FAM178B: variants seen among roughly 807,000 people sequenced by gnomAD.
The protein encoded by FAM178B is family with sequence similarity 178 member B, also known as protein FAM178B.
A neutral mutation model predicts 91.7 loss-of-function variants in FAM178B; 82 were observed. The ratio of observed to expected loss-of-function variants is 0.89; its 90% confidence interval spans 0.75 to 1.07. The LOEUF (loss-of-function observed/expected upper bound fraction) is 1.07. Ranked by LOEUF, FAM178B falls within the 50% of genes least tolerant of loss-of-function variation. The pLI is 0.00. For synonymous variants in FAM178B, 368 were observed against 359.4 expected (o/e 1.02, Z -0.27); for missense variants, 769 against 846.7 (o/e 0.91, Z 1.14).
In FAM178B at chr2:96,888,400, G is replaced by A. The variant is rs551288257; in HGVS notation, c.1776+5526C>T. On this transcript the variant is annotated intron_variant, in intron 14 of 16. Coordinates refer to ENST00000490605, the MANE Select transcript of FAM178B (RefSeq NM_001122646.3). ...CAGGTGGGAAGGCAGAGAGCATGGC[G>A]AGAATGGAGAAAGAGGCTCCACCTG... 1.1e-4 allele frequency among the ~76,000 whole-genome samples: 17 copies of A among 152,358 alleles called. No individual in the cohort carries two copies. In the South Asian group the frequency reaches 2.3e-3, roughly 20 times the overall value.
At chr2:96,960,885 G>A (rs1234389236) in intron 5 of FAM178B, among the ~76,000 whole-genome samples, 2 of 152,102 alleles carry the variant, frequency 1.3e-5, no homozygotes, top group Non-Finnish European at 2.9e-5. Context: ...GGCCAGTGTC[G>A]GGGACGGCAT....
chr2:96,974,374 T>TC (rs1188584470), intron 1 of FAM178B, among the ~76,000 whole-genome samples: 9 of 85,510 alleles, frequency 1.1e-4, no homozygotes, highest in African/African-American at 4.4e-4. Flanking sequence ...AGAGCAAGAC[T>TC]CCATCTCAAA....
intron 1 of FAM178B, among the ~76,000 whole-genome samples, chr2:96,976,883 C>A (rs2082295396): frequency 6.6e-6 from 1 of 151,188 alleles, no homozygotes. Flanking sequence ...TAAATAAACA[C>A]ATAAAACCTT....
At chr2:96,934,204 A>G (rs544151604) in intron 8 of FAM178B, among the ~76,000 whole-genome samples, 48 of 152,258 alleles carry the variant, frequency 3.2e-4, no homozygotes, top group Admixed American at 3.9e-4. Flanking sequence ...ATAAAGCCCA[A>G]TGATGCTGGG....
intron 8 of FAM178B, among the ~76,000 whole-genome samples, chr2:96,937,781 G>A (rs2081657136): frequency 6.6e-6 from 1 of 152,120 alleles, no homozygotes; most frequent in Non-Finnish European, 1.5e-5. Flanking sequence ...ATCCCCACAA[G>A]TTGGGAGGCC....
Position 96,972,013 on chromosome 2 carries a change from G to T in FAM178B, c.452C>A (p.Pro151His). ...QGLRRLAGEL[P>H]EELEQEHLDL... ...CAGGTGTTCCTGCTCCAACTCCTCG[G>T]GCAGCTCACCAGCCAGTCTCCTCAG... The change falls in exon 3 of 17, where the codon CCC (proline) becomes CAC (histidine). Residue 151 changes from proline (P) to histidine (H), a missense_variant. Physicochemically the swap from Pro to His is moderately conservative, Grantham distance 77. Coordinates refer to ENST00000490605, the MANE Select transcript of FAM178B (RefSeq NM_001122646.3). 1.3e-6 allele frequency: 2 copies of T among 1,554,502 alleles called. No homozygotes were observed. Among genetic ancestry groups the T allele is most frequent in the Non-Finnish European group, 1.7e-6 (2 of 1,149,446 alleles).
chr2:96,891,457 G>A (rs1301742121), intron 14 of FAM178B, among the ~76,000 whole-genome samples: 1 of 152,198 alleles, frequency 6.6e-6, no homozygotes, highest in South Asian at 2.1e-4. Context: ...AGCGAACAGC[G>A]AATGCCAGAA....
chr2:96,933,776 C>T (rs978919115), intron 8 of FAM178B, among the ~76,000 whole-genome samples: 16 of 152,154 alleles, frequency 1.1e-4, no homozygotes, highest in African/African-American at 2.7e-4. Context: ...CGAGATACCA[C>T]AGGAGGAGGG....
In FAM178B at chr2:96,971,947, A is replaced by G; in HGVS notation, c.518T>C (p.Leu173Pro). 6.5e-7 allele frequency: 1 copy of G among 1,545,594 alleles called. No individual in the cohort carries two copies. Among genetic ancestry groups the G allele is most frequent in the Non-Finnish European group, 8.7e-7 (1 of 1,144,904 alleles). Residue 173 changes from leucine to proline, a missense_variant, in exon 3 of 17, where the codon CTG becomes CCG. Leu to Pro is a moderately conservative substitution (Grantham distance 98, BLOSUM62 -3). Coordinates refer to ENST00000490605, the MANE Select transcript of FAM178B (RefSeq NM_001122646.3). ...GCTCAGGCCTGACGTGTTCCAGAAC[A>G]GCTTCTCTGGCAAGGCCAGGCCCCT... Reference protein sequence around the residue: ...PKRGLALPEKLFWNTSGLSQQ... With the variant: ...PKRGLALPEKPFWNTSGLSQQ...
intron 14 of FAM178B, among the ~76,000 whole-genome samples, chr2:96,888,234 A>T (rs1179886754): frequency 4.6e-5 from 7 of 152,228 alleles, no homozygotes; most frequent in Non-Finnish European, 8.8e-5. Context: ...CCAACCACAG[A>T]TTAGACAGGA....
chr2:96,876,415 A>T, intron 16 of FAM178B, 107 bp from the exon 17 acceptor site: 1 of 1,403,164 alleles, frequency 7.1e-7, no homozygotes, highest in Middle Eastern at 2.3e-4. Flanking sequence ...TCGCAGGCTC[A>T]TGCCAGGGGC....
intron 13 of FAM178B, among the ~76,000 whole-genome samples, 171 bp from the exon 14 acceptor site, chr2:96,894,222 T>C (rs1012461388): frequency 6.6e-6 from 1 of 151,746 alleles, no homozygotes; most frequent in African/African-American, 2.4e-5. Flanking sequence ...ATCCTGAGTG[T>C]TCTCATCTGT....
intron 8 of FAM178B, among the ~76,000 whole-genome samples, chr2:96,930,210 CAAAAAAAAAAAAAAAA>C (rs60102987): frequency 4.8e-4 from 19 of 39,490 alleles, no homozygotes; most frequent in East Asian, 3.7e-3. Flanking sequence ...TCCGTCTCTC[CAAAAAAAAAAAAAAAA>C]AAAAAAAAAA....
At chr2:96,950,224 G>A (rs555033162) in intron 7 of FAM178B, 52 of 937,382 alleles carry the variant, frequency 5.5e-5, no homozygotes, top group African/African-American at 3.9e-4. Context: ...TGTGTGTTCC[G>A]TCACACACTG....
chr2:96,921,434 T>C (rs1370741857), intron 11 of FAM178B, 44 bp downstream of exon 11: 3 of 1,549,682 alleles, frequency 1.9e-6, no homozygotes, highest in African/African-American at 2.7e-5. Flanking sequence ...CCTTGGTCCC[T>C]AGTGATGAAG....
chr2:96,901,385 G>T (rs957509742), intron 13 of FAM178B, among the ~76,000 whole-genome samples: 2 of 151,706 alleles, frequency 1.3e-5, no homozygotes, highest in African/African-American at 4.8e-5. Flanking sequence ...TGTTGGTCGG[G>T]CTGGTCTCGA....
intron 10 of FAM178B, 82 bp from the exon 11 acceptor site, chr2:96,921,736 C>T: frequency 1.4e-6 from 2 of 1,397,552 alleles, no homozygotes; most frequent in South Asian, 1.3e-5. Flanking sequence ...CTGGGAGACA[C>T]TTAGGCAGAA....
At position 96,876,460 on chromosome 2, in the gene FAM178B, C is replaced by T. The variant is rs181737692; in HGVS notation, c.2008-152G>A. ...AGGATGCCTGGGTTCACACTACTGG[C>T]GAGGACACAGCGGTCATCAGGCTAC... On this transcript the variant is annotated intron_variant, in intron 16 of 16. Transcript: ENST00000490605. 63 of 953,490 alleles carry T rather than the reference C, an allele frequency of 6.6e-5. 1 individual carries two copies. The highest frequency in any genetic ancestry group is 5.5e-4 in the Admixed American group (25 of 45,398). The allele number at this position is 953,490 out of a possible 1,614,324, so 59.1% of individuals were successfully genotyped here.
At chr2:96,970,804 G>A (rs778217516) in intron 3 of FAM178B, 27 bp from the exon 4 acceptor site, 3 of 1,500,224 alleles carry the variant, frequency 2.0e-6, no homozygotes, top group South Asian at 2.4e-5. Flanking sequence ...TGGGAATGAG[G>A]ACGACAGAGA....
Sources: allele counts gnomAD v4.1 joint callset (sites outside exome capture counted in the v4.1 genomes callset), GRCh38; gene constraint gnomAD v4.1.1; transcripts MANE v1.5; gene names NCBI Gene and HGNC (gene_info 2026-07-23, HGNC 2026-07-21).